The following TENM2 variants were observed in gnomAD, a reference collection of about 807,000 sequenced individuals.
The protein encoded by TENM2 is teneurin-2.
A neutral mutation model predicts 245.2 loss-of-function variants in TENM2; 52 were observed. The observed-to-expected ratio is 0.21, with a 90% confidence interval of 0.17 to 0.27. TENM2 has a LOEUF of 0.27. Ranked by LOEUF, TENM2 falls within the 10% of genes least tolerant of loss-of-function variation. TENM2 has a pLI of 1.00. For missense variants in TENM2, 3,046 were observed against 3,666.8 expected, an observed-to-expected ratio of 0.83 and a Z score of 4.37; for synonymous variants, 1,363 against 1,438.9, an observed-to-expected ratio of 0.95 and a Z score of 1.19.
intron 2 of TENM2, among the ~76,000 whole-genome samples, chr5:167,412,129 G>C (rs1037373988): frequency 2.6e-5 from 4 of 152,078 alleles, no homozygotes; most frequent in Non-Finnish European, 5.9e-5. Flanking sequence ...AGACCACCAG[G>C]ATCCCTCTGG....
chr5:167,669,767 T>C (rs940910402), intron 2 of TENM2, among the ~76,000 whole-genome samples: 4 of 152,074 alleles, frequency 2.6e-5, no homozygotes, highest in Non-Finnish European at 5.9e-5. Context: ...AGCAAAACGG[T>C]TTAAAGTGTA....
chr5:167,975,220 C>T (rs1356360560), intron 4 of TENM2, among the ~76,000 whole-genome samples: 1 of 152,180 alleles, frequency 6.6e-6, no homozygotes, highest in Non-Finnish European at 1.5e-5. Context: ...TTAAGGCAAA[C>T]CTGCATGACA....
chr5:168,201,164 C>A (rs1017603443), intron 17 of TENM2, among the ~76,000 whole-genome samples: 2 of 151,952 alleles, frequency 1.3e-5, no homozygotes, highest in Non-Finnish European at 2.9e-5. Flanking sequence ...CAGAATACAG[C>A]CCTGGGGGTC....
At chr5:167,634,503 G>T (rs1336770501) in intron 2 of TENM2, among the ~76,000 whole-genome samples, 1 of 147,012 alleles carries the variant, frequency 6.8e-6, no homozygotes. Context: ...TTGAGAGAGA[G>T]ACTCAGAAAA....
intron 2 of TENM2, among the ~76,000 whole-genome samples, chr5:167,684,464 G>A (rs576155071): frequency 3.3e-5 from 5 of 152,342 alleles, no homozygotes; most frequent in South Asian, 2.1e-4. Context: ...GAGTAAGTAC[G>A]TGGGGAGAAT....
intron 13 of TENM2, among the ~76,000 whole-genome samples, chr5:168,175,405 T>C (rs2152479048): frequency 6.6e-6 from 1 of 152,318 alleles, no homozygotes; most frequent in South Asian, 2.1e-4. Context: ...TCATCCCCAC[T>C]GGCTCTGGAA....
the TENM2 span, among the ~76,000 whole-genome samples, chr5:167,173,796 C>A: frequency 1.3e-5 from 2 of 151,516 alleles, no homozygotes; most frequent in Non-Finnish European, 2.9e-5. Context: ...AGGTAAGTTG[C>A]AGGCTATATA....
intron 1 of TENM2, among the ~76,000 whole-genome samples, chr5:167,364,726 T>C (rs1759936921): frequency 2.0e-5 from 3 of 152,108 alleles, no homozygotes; most frequent in South Asian, 2.1e-4. Context: ...AAGATGAGCA[T>C]TTCAAATTGA....
chr5:167,072,384 T>A, the TENM2 span, among the ~76,000 whole-genome samples: 71 of 152,290 alleles, frequency 4.7e-4, no homozygotes, highest in African/African-American at 1.6e-3. Context: ...TGTAGCTTAG[T>A]TTGATGTGTT....
At chr5:167,371,386 G>T (rs1320175328) in intron 1 of TENM2, among the ~76,000 whole-genome samples, 2 of 126,080 alleles carry the variant, frequency 1.6e-5, no homozygotes, top group Admixed American at 9.6e-5. Context: ...ACGGAGTTTC[G>T]CTCTTGTTGC....
intron 4 of TENM2, among the ~76,000 whole-genome samples, chr5:167,965,912 C>G (rs769123310): frequency 6.6e-6 from 1 of 152,046 alleles, no homozygotes; most frequent in Admixed American, 6.6e-5. Flanking sequence ...CTAGGAAGGG[C>G]GGGGGCTGGA....
chr5:168,040,672 C>A (rs2152004930), intron 5 of TENM2, among the ~76,000 whole-genome samples: 1 of 152,256 alleles, frequency 6.6e-6, no homozygotes. Flanking sequence ...AGAATGTTAT[C>A]CCACATAGTT....
At chr5:168,089,295 C>T (rs1792722606) in intron 7 of TENM2, among the ~76,000 whole-genome samples, 1 of 152,168 alleles carries the variant, frequency 6.6e-6, no homozygotes, top group Admixed American at 6.5e-5. Flanking sequence ...TCTGCAATCA[C>T]TTCCTAATTG....
chr5:167,340,920 A>T (rs1758059268), intron 1 of TENM2, among the ~76,000 whole-genome samples: 1 of 152,184 alleles, frequency 6.6e-6, no homozygotes, highest in African/African-American at 2.4e-5. Flanking sequence ...CAGGATTCTA[A>T]AAACGACAAG....
At chr5:167,527,877 G>A (rs978916465) in intron 2 of TENM2, among the ~76,000 whole-genome samples, 1 of 152,076 alleles carries the variant, frequency 6.6e-6, no homozygotes, top group Non-Finnish European at 1.5e-5. Flanking sequence ...TAACAAGGCC[G>A]AGTCCATCTT....
At chr5:168,046,191 G>A (rs1788591048) in intron 5 of TENM2, among the ~76,000 whole-genome samples, 1 of 152,188 alleles carries the variant, frequency 6.6e-6, no homozygotes, top group Non-Finnish European at 1.5e-5. Context: ...TTACGTGGTG[G>A]TAGGCATGCA....
chr5:167,022,859 A>G, the TENM2 span, among the ~76,000 whole-genome samples: 4 of 152,184 alleles, frequency 2.6e-5, no homozygotes, highest in Non-Finnish European at 1.5e-5. Context: ...TGTAATGGCT[A>G]CATAGGAATT....
chr5:167,194,684 C>T, the TENM2 span, among the ~76,000 whole-genome samples: 1 of 151,932 alleles, frequency 6.6e-6, no homozygotes, highest in African/African-American at 2.4e-5. Context: ...GGTCCCTGGA[C>T]AAACCCATTT....
At chr5:167,084,408 T>C in the TENM2 span, among the ~76,000 whole-genome samples, 1 of 128,412 alleles carries the variant, frequency 7.8e-6, no homozygotes, top group African/African-American at 2.8e-5. Context: ...AGATATATTT[T>C]AGACTAAATG....
Sources: allele counts gnomAD v4.1 joint callset (sites outside exome capture counted in the v4.1 genomes callset), GRCh38; gene constraint gnomAD v4.1.1; transcripts MANE v1.5; gene names NCBI Gene and HGNC (gene_info 2026-07-23, HGNC 2026-07-21).